EPHB1: variants seen among roughly 807,000 people sequenced by gnomAD.
EPHB1 encodes the protein ephrin type-B receptor 1.
In EPHB1, 30 loss-of-function variants were observed where a neutral mutation model predicts 94.4. The observed-to-expected ratio is 0.32, with a 90% CI of 0.24 to 0.43. The LOEUF (loss-of-function observed/expected upper bound fraction) is 0.43, where lower values mean the gene tolerates loss of function less well. Ranked by LOEUF, EPHB1 falls within the 20% of genes least tolerant of loss-of-function variation. The pLI is 1.00. For synonymous variants in EPHB1, 522 were observed against 489.1 expected, an observed-to-expected ratio of 1.07 and a Z score of -0.89; for missense variants, 1,055 against 1,308.3, an observed-to-expected ratio of 0.81 and a Z score of 2.99.
At chr3:135,123,754 A>G (rs1940079858) in intron 4 of EPHB1, among the ~76,000 whole-genome samples, 1 of 148,216 alleles carries the variant, frequency 6.7e-6, no homozygotes, top group Non-Finnish European at 1.5e-5. Flanking sequence ...GTGACATAGT[A>G]TCTGTAAAAA....
At chr3:135,113,590 A>G (rs1023416138) in intron 4 of EPHB1, among the ~76,000 whole-genome samples, 4 of 152,038 alleles carry the variant, frequency 2.6e-5, no homozygotes, top group Admixed American at 6.5e-5. Context: ...TGTCTTGTGC[A>G]GGGCAGCGTC....
intron 1 of EPHB1, among the ~76,000 whole-genome samples, chr3:134,850,576 G>A (rs893429563): frequency 1.3e-5 from 2 of 152,238 alleles, no homozygotes; most frequent in African/African-American, 2.4e-5. Context: ...ATGGGGAAGT[G>A]TGGGGCAGGA....
At chr3:135,241,438 C>G in intron 13 of EPHB1, 141 bp downstream of exon 13, 1 of 1,058,028 alleles carries the variant, frequency 9.5e-7, no homozygotes, top group Non-Finnish European at 1.4e-6. Flanking sequence ...ACAGGGACAC[C>G]CTTAGCATGG....
chr3:135,149,906 C>T (rs949699518), intron 5 of EPHB1, among the ~76,000 whole-genome samples: 6 of 152,152 alleles, frequency 3.9e-5, no homozygotes, highest in Non-Finnish European at 4.4e-5. Flanking sequence ...GTGACAGGAG[C>T]GTTTCTCTCC....
intron 4 of EPHB1, among the ~76,000 whole-genome samples, chr3:135,107,743 G>A (rs967843048): frequency 1.3e-5 from 2 of 152,114 alleles, no homozygotes; most frequent in African/African-American, 4.8e-5. Flanking sequence ...AGTAAAGAGG[G>A]GGAATGAAAG....
intron 1 of EPHB1, among the ~76,000 whole-genome samples, chr3:134,865,099 T>A (rs539638101): frequency 1.3e-5 from 2 of 152,006 alleles, no homozygotes; most frequent in Admixed American, 6.6e-5. Flanking sequence ...TGTGTGTGTG[T>A]GAGAGAGAGA....
At chr3:135,218,947 T>G (rs960369386) in intron 12 of EPHB1, among the ~76,000 whole-genome samples, 1 of 152,184 alleles carries the variant, frequency 6.6e-6, no homozygotes, top group Non-Finnish European at 1.5e-5. Context: ...GCCTCCCTCA[T>G]GGGAATGATC....
At chr3:135,106,661 G>A in intron 4 of EPHB1, 58 bp downstream of exon 4, 3 of 1,601,376 alleles carry the variant, frequency 1.9e-6, no homozygotes, top group Middle Eastern at 1.7e-4. Flanking sequence ...GGTGCAAGTG[G>A]TGGGTCTGGG....
chr3:134,802,593 C>A (rs1378120209), intron 1 of EPHB1, among the ~76,000 whole-genome samples: 2 of 152,178 alleles, frequency 1.3e-5, no homozygotes, highest in Non-Finnish European at 2.9e-5. Context: ...AGACTGTATT[C>A]TAGGGACCTC....
At position 134,853,252 on chromosome 3, in the gene EPHB1, T is replaced by C. The variant is rs139343344; in HGVS notation, c.58+57563T>C. Among the ~76,000 whole-genome samples, 7 of 152,330 alleles carry C rather than the reference T, an allele frequency of 4.6e-5. No homozygotes were observed. The East Asian group carries it at 1.4e-3, about 29-fold the overall frequency. On this transcript the variant is annotated intron_variant, in intron 1 of 15. Coordinates refer to ENST00000398015, the MANE Select transcript of EPHB1 (RefSeq NM_004441.5). Reference sequence around the variant, plus strand: ...GCACTTGTGAGCTGGTGAGTGCTGCTGCCCCGGTGTGGCTCACAGGGCCTA... The same window carrying C: ...GCACTTGTGAGCTGGTGAGTGCTGCCGCCCCGGTGTGGCTCACAGGGCCTA...
intron 1 of EPHB1, among the ~76,000 whole-genome samples, chr3:134,885,976 A>G (rs990014761): frequency 3.9e-5 from 6 of 152,242 alleles, no homozygotes; most frequent in Non-Finnish European, 7.3e-5. Flanking sequence ...CTAAATCCAC[A>G]TACCAAGTGA....
At chr3:135,223,409 A>C (rs1404792536) in intron 12 of EPHB1, among the ~76,000 whole-genome samples, 1 of 152,232 alleles carries the variant, frequency 6.6e-6, no homozygotes, top group Non-Finnish European at 1.5e-5. Context: ...TTTTGCCAAC[A>C]TGAGTTCAGT....
At chr3:135,039,102 C>T (rs557394624) in intron 3 of EPHB1, among the ~76,000 whole-genome samples, 80 of 152,302 alleles carry the variant, frequency 5.3e-4, no homozygotes, top group African/African-American at 1.8e-3. Context: ...ATTCACAAAC[C>T]TTGAGCTAAA....
At chr3:135,016,356 A>G (rs1013920752) in intron 3 of EPHB1, among the ~76,000 whole-genome samples, 12 of 152,296 alleles carry the variant, frequency 7.9e-5, no homozygotes, top group African/African-American at 2.6e-4. Flanking sequence ...TTTTCTCCTG[A>G]TTCACCATTT....
intron 3 of EPHB1, among the ~76,000 whole-genome samples, chr3:135,096,962 GA>G (rs1938805069): frequency 6.6e-6 from 1 of 151,980 alleles, no homozygotes; most frequent in Non-Finnish European, 1.5e-5. Context: ...CAGGTGTGGT[GA>G]CACATGCCTG....
intron 1 of EPHB1, among the ~76,000 whole-genome samples, chr3:134,837,175 G>T (rs1324790965): frequency 6.6e-6 from 1 of 152,148 alleles, no homozygotes; most frequent in East Asian, 1.9e-4. Flanking sequence ...AGCAACCAGT[G>T]CATCAGGTGC....
chr3:135,126,794 A>G (rs953226501), intron 4 of EPHB1, among the ~76,000 whole-genome samples: 7 of 152,186 alleles, frequency 4.6e-5, no homozygotes, highest in Non-Finnish European at 8.8e-5. Context: ...CACAGTTTCC[A>G]GCACTCCTTA....
At position 135,001,837 on chromosome 3, in the gene EPHB1, T is replaced by C. The variant is rs1320476653; in HGVS notation, c.805+49785T>C. 2.0e-5 allele frequency among the ~76,000 whole-genome samples: 3 copies of C among 152,226 alleles called. No individual in the cohort carries two copies. The East Asian group carries it at 5.8e-4, about 29-fold the overall frequency. ...TATAAAGAGTTGCATAGTATCCTCATGTATGGATGTACCATAACTTATTTA... is the reference window on the plus strand; with the variant it reads ...TATAAAGAGTTGCATAGTATCCTCACGTATGGATGTACCATAACTTATTTA... On this transcript the variant is annotated intron_variant, in intron 3 of 15. Coordinates refer to ENST00000398015, the MANE Select transcript of EPHB1 (RefSeq NM_004441.5).
Position 135,099,331 on chromosome 3 carries a change from GGACGGATGGA to G in EPHB1, c.806-7116_806-7107del, listed in dbSNP as rs1354036628. On this transcript the variant is annotated intron_variant, in intron 3 of 15. Coordinates refer to ENST00000398015, the MANE Select transcript of EPHB1 (RefSeq NM_004441.5). ...TGGATGGATGGATGGACGGATGGAT[GGACGGATGGA>G]TGGATGGATGGATGGATGGAAGAAT... Among the ~76,000 whole-genome samples the G allele has an allele frequency of 2.7e-3, 231 of 84,048 alleles. 1 individual carries two copies. Among genetic ancestry groups the G allele is most frequent in the African/African-American group, 8.5e-3 (222 of 26,262 alleles). The allele number at this position is 84,048 out of a possible 152,430, so 55.1% of individuals were successfully genotyped here.
Sources: gnomAD v4.1 joint callset for allele counts (sites outside exome capture counted in the v4.1 genomes callset) on GRCh38, gnomAD v4.1.1 for gene constraint, MANE v1.5 for transcripts, NCBI Gene and HGNC (gene_info 2026-07-23, HGNC 2026-07-21) for gene names.